The following RANBP17 variants were observed in gnomAD, a reference collection of about 807,000 sequenced individuals.
The protein encoded by RANBP17 is ran-binding protein 17.
A neutral mutation model predicts 141.2 loss-of-function variants in RANBP17; 158 were observed. That is an observed-to-expected ratio of 1.12 (90% CI 0.98 to 1.28). The LOEUF (loss-of-function observed/expected upper bound fraction) is 1.28. RANBP17 is among the 50% of genes most tolerant of loss of function. The pLI is 0.00. For synonymous variants in RANBP17, 430 were observed against 450.0 expected, an observed-to-expected ratio of 0.96 and a Z score of 0.56; for missense variants, 1,438 against 1,290.7, an observed-to-expected ratio of 1.11 and a Z score of -1.75.
At chr5:171,100,400 A>C (rs1787062645) in intron 14 of RANBP17, among the ~76,000 whole-genome samples, 1 of 152,186 alleles carries the variant, frequency 6.6e-6, no homozygotes, top group Non-Finnish European at 1.5e-5. Context: ...AGGTGTTTAT[A>C]GTATTATCTG....
intron 25 of RANBP17, among the ~76,000 whole-genome samples, chr5:171,280,024 A>G (rs897571142): frequency 1.3e-5 from 2 of 152,162 alleles, no homozygotes; most frequent in Non-Finnish European, 2.9e-5. Flanking sequence ...ATTTCTCTGC[A>G]TGGAATTGTG....
intron 24 of RANBP17, among the ~76,000 whole-genome samples, chr5:171,254,668 G>GT (rs991744307): frequency 2.6e-5 from 4 of 152,098 alleles, no homozygotes; most frequent in African/African-American, 7.2e-5. Context: ...AACCATTGCA[G>GT]TTTTTTTGGA....
rs576647648 is a variant in RANBP17 at position 170,974,264 on chromosome 5, A to G, written c.1710+5887A>G. 1.2e-4 allele frequency among the ~76,000 whole-genome samples: 18 copies of G among 152,306 alleles called. No homozygotes were observed. In the East Asian group the frequency reaches 2.9e-3, roughly 25 times the overall value. On this transcript the variant is annotated intron_variant, in intron 14 of 27. Coordinates refer to ENST00000523189, the MANE Select transcript of RANBP17 (RefSeq NM_022897.5). Reference sequence around the variant, plus strand: ...TAACATCATATGCTTCCAAAATACAATGGTGGGACAGACACAGGGTAGTCC... The same window carrying G: ...TAACATCATATGCTTCCAAAATACAGTGGTGGGACAGACACAGGGTAGTCC...
At chr5:171,252,553 G>C in intron 24 of RANBP17, 10 of 1,389,816 alleles carry the variant, frequency 7.2e-6, no homozygotes, top group Non-Finnish European at 9.2e-6. Context: ...ACGGAGGAAA[G>C]TTTAAAAACT....
intron 14 of RANBP17, among the ~76,000 whole-genome samples, chr5:171,114,577 G>C (rs2127764057): frequency 6.6e-6 from 1 of 151,254 alleles, no homozygotes; most frequent in East Asian, 1.9e-4. Flanking sequence ...ACCTCCAAAA[G>C]TTTATCCAGC....
rs778624427 is a variant in RANBP17 at position 170,909,756 on chromosome 5, T to C, written c.585T>C (p.Leu195=). The C allele has an allele frequency of 6.7e-6, 10 of 1,485,330 alleles. No homozygotes were observed. Among genetic ancestry groups the C allele is most frequent in the Non-Finnish European group, 9.4e-6 (10 of 1,065,750 alleles). 92.0% of individuals were successfully genotyped at this position (1,485,330 alleles called of 1,614,324 possible). The change falls in exon 6 of 28, where the codon CTT becomes CTC. Residue 195 remains leucine, a synonymous_variant. Transcript: ENST00000523189. The part of the protein sequence containing the change: ...LKDVLVLACS[L]LKEVFAKPLN... ...ACGTTTTAGTGCTAGCATGCTCTCT[T>C]TTAAAAGAGGTAAGTTATTTGATAA... is the stretch of plus-strand genomic sequence containing the variant.
At position 170,953,566 on chromosome 5, in the gene RANBP17, C is replaced by T. The variant is rs772923210; in HGVS notation, c.1469-31C>T. On this transcript the variant is annotated intron_variant, in intron 12 of 27. Transcript: ENST00000523189. The stretch of plus-strand genomic sequence containing the variant: ...TAAGCTACGTTTCTATGAATACTTA[C>T]TAAACTTTTTTCTTCCTTATTCTAT... 3 of 1,451,494 alleles carry T rather than the reference C, an allele frequency of 2.1e-6. No individual in the cohort carries two copies. The East Asian group carries it at 6.8e-5, about 33-fold the overall frequency. The allele number at this position is 1,451,494 out of a possible 1,614,324, so 89.9% of individuals were successfully genotyped here.
At chr5:170,926,775 A>T (rs1772964591) in intron 12 of RANBP17, among the ~76,000 whole-genome samples, 1 of 152,120 alleles carries the variant, frequency 6.6e-6, no homozygotes, top group Non-Finnish European at 1.5e-5. Flanking sequence ...GCAAGTAGTT[A>T]TTCTTAGTTT....
chr5:171,012,436 G>A lies in RANBP17; in HGVS notation c.1710+44059G>A, dbSNP rs542877048. Among the ~76,000 whole-genome samples the A allele has an allele frequency of 1.7e-3, 264 of 152,116 alleles. 1 individual carries two copies. Among genetic ancestry groups the A allele is most frequent in the African/African-American group, 5.9e-3 (246 of 41,542 alleles). On this transcript the variant is annotated intron_variant, in intron 14 of 27. Coordinates refer to ENST00000523189, the MANE Select transcript of RANBP17 (RefSeq NM_022897.5). ...GTCTTTTTGGTTTACATAAGCCCTT[G>A]CTGAAAACGAAAAATCTGCTGCCTG...
intron 5 of RANBP17, chr5:170,897,349 TCTTC>T (rs1487625522): frequency 3.8e-6 from 2 of 527,502 alleles, no homozygotes; most frequent in African/African-American, 2.0e-5. Flanking sequence ...CATTTCTTCT[TCTTC>T]TTCTTCTTTT....
chr5:171,231,774 C>A (rs1581079854), intron 22 of RANBP17, among the ~76,000 whole-genome samples: 1 of 152,228 alleles, frequency 6.6e-6, no homozygotes, highest in East Asian at 1.9e-4. Context: ...AAAAATGTCC[C>A]TAACCTTTAT....
chr5:171,010,326 C>G (rs374522309), intron 14 of RANBP17, among the ~76,000 whole-genome samples: 8 of 152,268 alleles, frequency 5.3e-5, no homozygotes, highest in African/African-American at 1.9e-4. Context: ...TGGATCTTAT[C>G]CTATGATTAA....
chr5:170,892,110 G>C (rs909143550), intron 3 of RANBP17, among the ~76,000 whole-genome samples: 1 of 136,144 alleles, frequency 7.3e-6, no homozygotes, highest in Non-Finnish European at 1.6e-5. Context: ...CAACTTTTTT[G>C]TTTAAAGTTC....
At chr5:170,993,389 G>A (rs912789283) in intron 14 of RANBP17, among the ~76,000 whole-genome samples, 1 of 151,972 alleles carries the variant, frequency 6.6e-6, no homozygotes, top group Non-Finnish European at 1.5e-5. Context: ...CTGGTTATCT[G>A]TAGACTGTAA....
chr5:171,076,441 C>G (rs937878180), intron 14 of RANBP17, among the ~76,000 whole-genome samples: 3 of 152,150 alleles, frequency 2.0e-5, no homozygotes, highest in African/African-American at 7.2e-5. Flanking sequence ...GCTCCATCCA[C>G]TGAATAGGCC....
intron 16 of RANBP17, among the ~76,000 whole-genome samples, chr5:171,180,794 C>T (rs1209392972): frequency 6.6e-6 from 1 of 152,072 alleles, no homozygotes; most frequent in Non-Finnish European, 1.5e-5. Context: ...GGCCTTGGTA[C>T]AAAGTGCACA....
chr5:171,195,669 G>C (rs1043576235), intron 18 of RANBP17, among the ~76,000 whole-genome samples: 3 of 152,152 alleles, frequency 2.0e-5, no homozygotes, highest in Admixed American at 1.3e-4. Context: ...CCCCATCTCT[G>C]ATGCCTTCCA....
At chr5:170,873,916 G>A (rs918289527) in intron 1 of RANBP17, among the ~76,000 whole-genome samples, 1 of 152,072 alleles carries the variant, frequency 6.6e-6, no homozygotes, top group African/African-American at 2.4e-5. Context: ...TGCTTCTCTA[G>A]TACATTTAGT....
chr5:170,909,578 CTTTTT>C (rs386405668), intron 5 of RANBP17, 78 bp from the exon 6 acceptor site: 11 of 240,598 alleles, frequency 4.6e-5, no homozygotes, highest in East Asian at 8.9e-5. Flanking sequence ...AGTTTATTTC[CTTTTT>C]TTTTTTTTTT....
Sources: gnomAD v4.1 joint callset for allele counts (sites outside exome capture counted in the v4.1 genomes callset) on GRCh38, gnomAD v4.1.1 for gene constraint, MANE v1.5 for transcripts, NCBI Gene and HGNC (gene_info 2026-07-23, HGNC 2026-07-21) for gene names.